TRPM7: variants seen among roughly 807,000 people sequenced by gnomAD.
TRPM7 encodes transient receptor potential cation channel subfamily M member 7, also known as LTRPC ion channel family member 7.
In TRPM7, 134 loss-of-function variants were observed where a neutral mutation model predicts 229.7. The ratio of observed to expected loss-of-function variants is 0.58; its 90% CI spans 0.51 to 0.67. The LOEUF is 0.67. Ranked by LOEUF, TRPM7 falls within the 30% of genes least tolerant of loss-of-function variation. TRPM7 has a pLI of 0.00. For synonymous variants in TRPM7, 699 were observed against 715.2 expected (o/e 0.98, Z 0.36); for missense variants, 1,901 against 2,210.0 (o/e 0.86, Z 2.80).
chr15:50,573,248 G>A (rs576707052), intron 36 of TRPM7, among the ~76,000 whole-genome samples: 5 of 152,232 alleles, frequency 3.3e-5, no homozygotes, highest in Admixed American at 3.3e-4. Flanking sequence ...GTAAAATGTG[G>A]CAGAAGGCAT....
intron 1 of TRPM7, among the ~76,000 whole-genome samples, chr15:50,670,074 C>CTGAG (rs2061957378): frequency 6.6e-6 from 1 of 152,050 alleles, no homozygotes; most frequent in Admixed American, 6.6e-5. Context: ...TATGGATGGC[C>CTGAG]CTCAGCAAAC....
At position 50,594,423 on chromosome 15, in the gene TRPM7, A is replaced by C. The variant is rs377062192; in HGVS notation, c.3475+6T>G. The C allele has an allele frequency of 1.1e-5, 17 of 1,600,922 alleles. No homozygotes were observed. Among genetic ancestry groups the C allele is most frequent in the Non-Finnish European group, 1.4e-5 (17 of 1,173,750 alleles). On this transcript the variant is annotated splice_donor_region_variant and intron_variant, in intron 24 of 38. Transcript: ENST00000646667. The stretch of plus-strand genomic sequence containing the variant: ...GAAAACATTTGCCTTAATATAGTTT[A>C]CTTACTTGGTCCATCGGAAGTCTTA...
intron 38 of TRPM7, among the ~76,000 whole-genome samples, chr15:50,569,138 G>A (rs1188428796): frequency 7.2e-5 from 11 of 152,026 alleles, no homozygotes; most frequent in African/African-American, 1.2e-4. Flanking sequence ...GAGCTCAAGC[G>A]ATCCTCTGGT....
intron 23 of TRPM7, among the ~76,000 whole-genome samples, chr15:50,595,584 G>A (rs983615937): frequency 6.6e-6 from 1 of 152,106 alleles, no homozygotes; most frequent in African/African-American, 2.4e-5. Context: ...AAATAGGCTA[G>A]GCACTGTGGC....
At chr15:50,636,469 G>A (rs995997547) in intron 7 of TRPM7, among the ~76,000 whole-genome samples, 7 of 152,130 alleles carry the variant, frequency 4.6e-5, no homozygotes, top group African/African-American at 1.7e-4. Flanking sequence ...GCGATTATAG[G>A]CATGAGCCAG....
chr15:50,593,666 C>A lies in TRPM7; in HGVS notation c.3559G>T (p.Asp1187Tyr). Reference protein sequence around the residue: ...CVEMYFNEKDDKFHSGSEERI... With the variant: ...CVEMYFNEKDYKFHSGSEERI... ...TCTTCACTCCCAGAATGAAATTTGT[C>A]ATCTTTTTCATTGAAATACATTTCA... The change falls in exon 25 of 39, where the codon GAC becomes TAC. Residue 1187 changes from aspartate (D) to tyrosine (Y), a missense_variant. Physicochemically the swap from Asp to Tyr is radical, Grantham distance 160. Around this residue, in one of 8 missense-constraint regions of TRPM7, gnomAD observed 533 missense variants for 497.1 expected, o/e 1.07. Transcript: ENST00000646667. 1 of 1,611,928 alleles carries A rather than the reference C, an allele frequency of 6.2e-7. No homozygotes were observed. Among genetic ancestry groups the A allele is most frequent in the South Asian group, 1.1e-5 (1 of 90,628 alleles).
chr15:50,589,537 C>T, intron 27 of TRPM7, 55 bp downstream of exon 27: 2 of 1,250,772 alleles, frequency 1.6e-6, no homozygotes, highest in East Asian at 2.4e-5. Flanking sequence ...TTGAACTAAA[C>T]ATCAAGACAG....
At chr15:50,594,691 T>A in intron 23 of TRPM7, 78 bp from the exon 24 acceptor site, 1 of 989,964 alleles carries the variant, frequency 1.0e-6, no homozygotes, top group Non-Finnish European at 1.4e-6. Flanking sequence ...GATTTCATTG[T>A]AATTCTGTAC....
chr15:50,681,262 A>AC (rs2062234758), intron 1 of TRPM7, among the ~76,000 whole-genome samples: 1 of 53,610 alleles, frequency 1.9e-5, no homozygotes, highest in African/African-American at 1.4e-4. Flanking sequence ...AAAATAAATA[A>AC]ATACACACAC....
chr15:50,591,102 A>T (rs1369041895), intron 26 of TRPM7, among the ~76,000 whole-genome samples: 3 of 152,212 alleles, frequency 2.0e-5, no homozygotes, highest in African/African-American at 4.8e-5. Context: ...TAGGTATAAG[A>T]ATAAGTCATT....
chr15:50,587,260 C>T (rs1040974521), intron 27 of TRPM7, among the ~76,000 whole-genome samples: 1 of 152,132 alleles, frequency 6.6e-6, no homozygotes, highest in South Asian at 2.1e-4. Context: ...TATATGCTCA[C>T]TATTTTGTCA....
At chr15:50,665,152 C>T (rs2061847979) in intron 1 of TRPM7, among the ~76,000 whole-genome samples, 2 of 151,982 alleles carry the variant, frequency 1.3e-5, no homozygotes, top group Admixed American at 6.6e-5. Flanking sequence ...ACCTGCAATC[C>T]GAGTACTTTA....
At chr15:50,578,866 ATATG>A (rs931533071) in intron 30 of TRPM7, among the ~76,000 whole-genome samples, 3 of 151,032 alleles carry the variant, frequency 2.0e-5, no homozygotes, top group Non-Finnish European at 4.4e-5. Flanking sequence ...ATATATATCC[ATATG>A]TATCTACTTA....
intron 16 of TRPM7, 74 bp downstream of exon 16, chr15:50,612,475 G>A (rs1470211748): frequency 7.6e-7 from 1 of 1,319,354 alleles, no homozygotes; most frequent in East Asian, 2.3e-5. Context: ...TAAGTACGTG[G>A]CACTGTAACA....
chr15:50,654,140 G>T (rs188148131), intron 3 of TRPM7, among the ~76,000 whole-genome samples: 6 of 152,230 alleles, frequency 3.9e-5, no homozygotes, highest in Admixed American at 3.9e-4. Flanking sequence ...ATTTACTCCA[G>T]AACAACAATA....
chr15:50,647,298 T>C (rs939662002), intron 4 of TRPM7, among the ~76,000 whole-genome samples: 2 of 150,112 alleles, frequency 1.3e-5, no homozygotes, highest in Non-Finnish European at 3.0e-5. Flanking sequence ...GCCCGACTAA[T>C]TTTTGTATTT....
At chr15:50,610,191 TATG>T (rs2060030361) in intron 17 of TRPM7, among the ~76,000 whole-genome samples, 1 of 152,100 alleles carries the variant, frequency 6.6e-6, no homozygotes, top group South Asian at 2.1e-4. Flanking sequence ...ATTTGATTAT[TATG>T]ATAATAAGGG....
chr15:50,684,194 C>T (rs2062306345), intron 1 of TRPM7, among the ~76,000 whole-genome samples: 1 of 151,566 alleles, frequency 6.6e-6, no homozygotes, highest in South Asian at 2.1e-4. Flanking sequence ...ACTCTGTCAC[C>T]CAGGCTGTAG....
Position 50,604,995 on chromosome 15 carries a change from A to T in TRPM7, c.2859T>A (p.Tyr953Ter). The T allele has an allele frequency of 6.2e-7, 1 of 1,613,988 alleles. No homozygotes were observed. ...TTCCAGCCACAAAAACATGATTATC[A>T]TATGCATTTGCAAAGTTCCATTTTG... ...FGAKWNFANA[Y>*]DNHVFVAGRL... The change falls in exon 21 of 39, where the codon TAT (tyrosine) becomes TAA (stop). Residue 953 changes from tyrosine (Y) to a stop codon, truncating the protein, a stop_gained. Coordinates refer to ENST00000646667, the MANE Select transcript of TRPM7 (RefSeq NM_017672.6). LOFTEE classifies it high-confidence loss of function.
Sources: allele counts gnomAD v4.1 joint callset (sites outside exome capture counted in the v4.1 genomes callset), GRCh38; gene constraint gnomAD v4.1.1; regional missense constraint gnomAD v4.1.1; transcripts MANE v1.5; gene names NCBI Gene and HGNC (gene_info 2026-07-23, HGNC 2026-07-21).